Variants in MCMDC2 observed in about 807,000 individuals in gnomAD.
MCMDC2 encodes the protein minichromosome maintenance domain containing 2.
A neutral mutation model predicts 75.8 loss-of-function variants in MCMDC2; 54 were observed. The observed-to-expected ratio is 0.71, with a 90% CI of 0.57 to 0.89. The LOEUF is 0.89. MCMDC2 is among the 40% of genes least tolerant of loss of function. The pLI is 0.00. For missense variants in MCMDC2, 656 were observed against 780.4 expected (o/e 0.84, Z 1.90); for synonymous variants, 249 against 274.6 (o/e 0.91, Z 0.92).
intron 10 of MCMDC2, among the ~76,000 whole-genome samples, chr8:66,895,317 A>G (rs796830913): frequency 5.9e-5 from 9 of 152,196 alleles, no homozygotes; most frequent in African/African-American, 2.2e-4. Flanking sequence ...ATGGAATCAA[A>G]TGATATGTGG....
At chr8:66,871,890 G>T (rs1811037179) in intron 1 of MCMDC2, among the ~76,000 whole-genome samples, 1 of 146,116 alleles carries the variant, frequency 6.8e-6, no homozygotes, top group Admixed American at 6.7e-5. Context: ...AACATAGTGA[G>T]ACCCTGTCTC....
chr8:66,914,002 G>C (rs1218482125), intron 14 of MCMDC2, among the ~76,000 whole-genome samples: 2 of 150,322 alleles, frequency 1.3e-5, no homozygotes, highest in East Asian at 1.9e-4. Flanking sequence ...ACATGGTGGG[G>C]CATCATGGCT....
chr8:66,916,357 A>G (rs1309456137), intron 14 of MCMDC2, among the ~76,000 whole-genome samples: 1 of 152,120 alleles, frequency 6.6e-6, no homozygotes, highest in Non-Finnish European at 1.5e-5. Flanking sequence ...ACTTTACTTG[A>G]TGTCATCAGC....
intron 1 of MCMDC2, among the ~76,000 whole-genome samples, chr8:66,873,089 C>A (rs1811102765): frequency 6.6e-6 from 1 of 152,022 alleles, no homozygotes; most frequent in South Asian, 2.1e-4. Context: ...TATTTTAGCA[C>A]CTATTAATCA....
intron 10 of MCMDC2, among the ~76,000 whole-genome samples, chr8:66,892,645 A>G (rs1244249084): frequency 6.6e-6 from 1 of 152,126 alleles, no homozygotes; most frequent in East Asian, 1.9e-4. Flanking sequence ...GCCCAGAAAA[A>G]GCACCATCTG....
In MCMDC2 at chr8:66,879,609, C is replaced by CA. The variant is rs1811468318; in HGVS notation, c.709+692dup. Among the ~76,000 whole-genome samples the CA allele has an allele frequency of 2.0e-5, 3 of 152,058 alleles. No individual in the cohort carries two copies. In the South Asian group the frequency reaches 6.2e-4, roughly 31 times the overall value. On this transcript the variant is annotated intron_variant, in intron 7 of 14. Coordinates refer to ENST00000422365, the MANE Select transcript of MCMDC2 (RefSeq NM_173518.5). The stretch of plus-strand genomic sequence containing the variant: ...CTCTGTCTCAAAAAAGAAAAAAAAG[C>CA]AATTGACTTGTTTATGCTTATAAAT...
intron 4 of MCMDC2, among the ~76,000 whole-genome samples, 161 bp from the exon 5 acceptor site, chr8:66,877,183 CTTTAA>C (rs1267429839): frequency 6.6e-6 from 1 of 152,064 alleles, no homozygotes; most frequent in Non-Finnish European, 1.5e-5. Flanking sequence ...ATTTTTACTT[CTTTAA>C]TTTTATACTT....
intron 14 of MCMDC2, among the ~76,000 whole-genome samples, chr8:66,911,606 C>G (rs908035295): frequency 6.7e-6 from 1 of 149,366 alleles, no homozygotes; most frequent in Non-Finnish European, 1.5e-5. Flanking sequence ...GGCAGATCAC[C>G]CTAGATCAGG....
chr8:66,896,934 A>C lies in MCMDC2; in HGVS notation c.1601A>C (p.Gln534Pro). Residue 534 changes from glutamine to proline, a missense_variant, in exon 12 of 15, where the codon CAG becomes CCG. Physicochemically the swap from Gln to Pro is moderately conservative, Grantham distance 76. Coordinates refer to ENST00000422365, the MANE Select transcript of MCMDC2 (RefSeq NM_173518.5). ...GGGCTGTTTTATGCGGCTTCTAGAC[A>C]GTTCACAACTGAAGATTTTGAAAAG... ...PEGLFYAASR[Q>P]FTTEDFEKLL... 1 of 1,605,336 alleles carries C rather than the reference A, an allele frequency of 6.2e-7. No individual in the cohort carries two copies. The highest frequency in any genetic ancestry group is 8.5e-7 in the Non-Finnish European group (1 of 1,176,464).
rs545830463 is a variant in MCMDC2, at chr8:66,881,648, T to G, written c.835+674T>G. On this transcript the variant is annotated intron_variant, in intron 8 of 14. Transcript: ENST00000422365. ...TTGCAGTGAGGCAATATTGTACCACTGTATTCCAGCCTGAGTGATAGAGAC... is the reference window on the plus strand; with the variant it reads ...TTGCAGTGAGGCAATATTGTACCACGGTATTCCAGCCTGAGTGATAGAGAC... Among the ~76,000 whole-genome samples the G allele has an allele frequency of 2.0e-5, 3 of 152,188 alleles. No individual in the cohort carries two copies. The East Asian group carries it at 5.8e-4, about 29-fold the overall frequency.
rs1431188396 is a variant in MCMDC2, at chr8:66,874,197, C to G, written c.57C>G (p.Gly19=). The G allele has an allele frequency of 1.1e-5, 17 of 1,610,778 alleles. No homozygotes were observed. The highest frequency in any genetic ancestry group is 1.4e-5 in the Non-Finnish European group (17 of 1,179,196). The change falls in exon 2 of 15, where the codon GGC becomes GGG. Residue 19 remains glycine (G), a synonymous_variant. Coordinates refer to ENST00000422365, the MANE Select transcript of MCMDC2 (RefSeq NM_173518.5). ...TCATCTATCTTGACAGAAGTGGAGG[C>G]CTCCAAAAGTTTATAGATGATTGCA... ...AALIYLDRSG[G]LQKFIDDCKY...
At chr8:66,890,727 G>A in intron 9 of MCMDC2, 138 bp from the exon 10 acceptor site, 2 of 749,746 alleles carry the variant, frequency 2.7e-6, no homozygotes, top group Non-Finnish European at 4.2e-6. Flanking sequence ...TACCATGTTA[G>A]TCATATATAT....
rs1199004760 is a variant in MCMDC2 at position 66,905,250 on chromosome 8, A to G, written c.1794A>G (p.Ala598=). ...KYLVFLSEAH[A]RLNLRNKVLK... is the part of the protein sequence containing the mutation. ...GCGTTTTCCTATCTGAAGCCCATGC[A>G]CGACTGAACTTAAGGAACAAAGTGC... Residue 598 remains alanine, a synonymous_variant, in exon 14 of 15, where the codon GCA becomes GCG. Coordinates refer to ENST00000422365, the MANE Select transcript of MCMDC2 (RefSeq NM_173518.5). 26 of 1,489,376 alleles carry G rather than the reference A, an allele frequency of 1.7e-5. No homozygotes were observed. Among genetic ancestry groups the G allele is most frequent in the Non-Finnish European group, 2.1e-5 (24 of 1,116,728 alleles). The allele number at this position is 1,489,376 out of a possible 1,614,324, so 92.3% of individuals were successfully genotyped here. A position where few individuals can be genotyped will look rare whatever the true frequency, so the allele number is the denominator to read the frequency against.
At position 66,901,242 on chromosome 8, in the gene MCMDC2, A is replaced by C; in HGVS notation, c.1663A>C (p.Ser555Arg). 1 of 1,614,016 alleles carries C rather than the reference A, an allele frequency of 6.2e-7. No homozygotes were observed. Among genetic ancestry groups the C allele is most frequent in the Non-Finnish European group, 8.5e-7 (1 of 1,179,944 alleles). Reference protein sequence around the residue: ...AFAKNLNVEFSLEAERMTHGY... With the variant: ...AFAKNLNVEFRLEAERMTHGY... ...TGCAAAGAATTTGAATGTAGAATTCAGCTTGGAAGCAGAAAGAATGACCCA... is the reference window on the plus strand; with the variant it reads ...TGCAAAGAATTTGAATGTAGAATTCCGCTTGGAAGCAGAAAGAATGACCCA... The change falls in exon 13 of 15, where the codon AGC (serine) becomes CGC (arginine). Residue 555 changes from serine to arginine, a missense_variant. Ser to Arg is a moderately radical substitution (Grantham distance 110). Coordinates refer to ENST00000422365, the MANE Select transcript of MCMDC2 (RefSeq NM_173518.5).
intron 14 of MCMDC2, among the ~76,000 whole-genome samples, chr8:66,916,887 A>G (rs1813344095): frequency 6.6e-6 from 1 of 152,176 alleles, no homozygotes; most frequent in South Asian, 2.1e-4. Flanking sequence ...AAGGTGGGAC[A>G]TCGCAAGGGA....
At chr8:66,880,754 G>A in intron 7 of MCMDC2, 95 bp from the exon 8 acceptor site, 1 of 1,195,682 alleles carries the variant, frequency 8.4e-7, no homozygotes, top group Non-Finnish European at 1.1e-6. Flanking sequence ...CTCAACTACT[G>A]AATTGTTTTA....
In MCMDC2 at chr8:66,919,656, G is replaced by T. The variant is rs1302406767; in HGVS notation, c.*487G>T. 6.6e-6 allele frequency: 1 copy of T among 152,228 alleles called. No individual in the cohort carries two copies. Among genetic ancestry groups the T allele is most frequent in the Non-Finnish European group, 1.5e-5 (1 of 68,092 alleles). The allele number at this position is 152,228 out of a possible 1,614,324, so 9.4% of individuals were successfully genotyped here. A position where few individuals can be genotyped will look rare whatever the true frequency, so the allele number is the denominator to read the frequency against. ...CTTTATATAACCCGAAGCTTCAAAT[G>T]TAAGGCCTTTTCATACTTTATTACT... On this transcript the variant is annotated 3_prime_UTR_variant, in exon 15 of 15. Transcript: ENST00000422365.
At chr8:66,914,283 C>CAAAAAAAAAAA in intron 14 of MCMDC2, among the ~76,000 whole-genome samples, 1 of 85,718 alleles carries the variant, frequency 1.2e-5, no homozygotes, top group Middle Eastern at 7.6e-3. Context: ...ACCCTGTATC[C>CAAAAAAAAAAA]AAAAAAAAAA....
intron 4 of MCMDC2, among the ~76,000 whole-genome samples, chr8:66,875,949 T>C (rs1811263681): frequency 6.6e-6 from 1 of 152,234 alleles, no homozygotes; most frequent in South Asian, 2.1e-4. Context: ...AAAGGCTTTT[T>C]AGATTCAGAT....
Sources: allele counts gnomAD v4.1 joint callset (sites outside exome capture counted in the v4.1 genomes callset), GRCh38; gene constraint gnomAD v4.1.1; transcripts MANE v1.5; gene names NCBI Gene and HGNC (gene_info 2026-07-23, HGNC 2026-07-21).